Variants in MDGA2 observed in about 807,000 individuals in gnomAD.
MDGA2 encodes MAM domain-containing glycosylphosphatidylinositol anchor protein 2.
In MDGA2, 40 loss-of-function variants were observed where a neutral mutation model predicts 117.8. The ratio of observed to expected loss-of-function variants is 0.34; its 90% CI spans 0.26 to 0.44. The LOEUF is 0.44. Among genes scored for constraint, MDGA2 ranks in the 20% least tolerant of loss-of-function variants. MDGA2 has a pLI of 1.00. For missense variants in MDGA2, 1,123 were observed against 1,250.6 expected, an observed-to-expected ratio of 0.90 and a Z score of 1.54; for synonymous variants, 452 against 439.0, an observed-to-expected ratio of 1.03 and a Z score of -0.37.
intron 3 of MDGA2, among the ~76,000 whole-genome samples, chr14:47,216,977 C>T (rs12100502): frequency 0.073 from 11,164 of 151,962 alleles, 469 homozygotes; most frequent in Middle Eastern, 0.088. Flanking sequence ...GATTTCTCCC[C>T]CATCCTTTCC....
chr14:47,626,969 G>A (rs1897157143), intron 1 of MDGA2, among the ~76,000 whole-genome samples: 1 of 152,268 alleles, frequency 6.6e-6, no homozygotes, highest in Non-Finnish European at 1.5e-5. Context: ...CTGGGCTCCT[G>A]AGTTTGGTGG....
rs754468319 is a variant in MDGA2 at position 47,359,354 on chromosome 14, AAAAC to A, written c.281-57808_281-57805del. ...GGTGACATAGCGAGACTCTGTCTCA[AAAAC>A]AAACAAACAAGCAAACAAACAAACA... On this transcript the variant is annotated intron_variant, in intron 1 of 16. Coordinates refer to ENST00000399232, the MANE Select transcript of MDGA2 (RefSeq NM_001113498.3). 1.7e-4 allele frequency among the ~76,000 whole-genome samples: 26 copies of A among 152,238 alleles called. No homozygotes were observed. In the East Asian group the frequency reaches 1.7e-3, roughly 10 times the overall value.
intron 4 of MDGA2, among the ~76,000 whole-genome samples, chr14:47,133,912 T>A (rs1882329356): frequency 6.6e-6 from 1 of 152,006 alleles, no homozygotes. Context: ...AACTCATGAT[T>A]GTACTTAGTA....
At chr14:47,194,957 T>C (rs771503056) in intron 3 of MDGA2, among the ~76,000 whole-genome samples, 2 of 152,062 alleles carry the variant, frequency 1.3e-5, no homozygotes, top group Non-Finnish European at 2.9e-5. Context: ...AATGTATCAT[T>C]TTCTTACTTA....
At chr14:47,281,927 C>T (rs979331234) in intron 2 of MDGA2, among the ~76,000 whole-genome samples, 1 of 151,550 alleles carries the variant, frequency 6.6e-6, no homozygotes, top group Non-Finnish European at 1.5e-5. Context: ...TGTGGCGGCG[C>T]GCCTGTTGTC....
At chr14:47,049,236 T>G (rs1466955057) in intron 7 of MDGA2, among the ~76,000 whole-genome samples, 1 of 151,982 alleles carries the variant, frequency 6.6e-6, no homozygotes, top group African/African-American at 2.4e-5. Flanking sequence ...TTCACATACT[T>G]AAATTACCAG....
intron 1 of MDGA2, among the ~76,000 whole-genome samples, chr14:47,586,102 C>A (rs1469199631): frequency 6.6e-6 from 1 of 151,800 alleles, no homozygotes; most frequent in Non-Finnish European, 1.5e-5. Context: ...TTATTTTATT[C>A]TTCTCAATAA....
intron 2 of MDGA2, among the ~76,000 whole-genome samples, chr14:47,300,375 C>T (rs903660882): frequency 1.3e-5 from 2 of 152,128 alleles, no homozygotes; most frequent in Admixed American, 6.5e-5. Flanking sequence ...TTGAGTAAAA[C>T]ATCCTCAATA....
intron 1 of MDGA2, among the ~76,000 whole-genome samples, chr14:47,588,451 T>A (rs940636809): frequency 6.6e-6 from 1 of 151,870 alleles, no homozygotes; most frequent in African/African-American, 2.4e-5. Context: ...ACAGTCATCC[T>A]AGTGCATGAA....
chr14:47,242,559 C>G lies in MDGA2; in HGVS notation c.421-24364G>C, dbSNP rs1036971446. 2.0e-5 allele frequency among the ~76,000 whole-genome samples: 3 copies of G among 151,820 alleles called. No individual in the cohort carries two copies. In the South Asian group the frequency reaches 6.2e-4, roughly 32 times the overall value. On this transcript the variant is annotated intron_variant, in intron 2 of 16. Transcript: ENST00000399232. Reference sequence around the variant, plus strand: ...GGAGCAGCCAGCCAGTCCTGCTGGCCCCGGGCAATGGGGGACTTAGCACCC... The same window carrying G: ...GGAGCAGCCAGCCAGTCCTGCTGGCGCCGGGCAATGGGGGACTTAGCACCC...
intron 3 of MDGA2, among the ~76,000 whole-genome samples, chr14:47,210,062 A>G (rs1885826169): frequency 6.6e-6 from 1 of 152,184 alleles, no homozygotes; most frequent in African/African-American, 2.4e-5. Context: ...TGTCAATAAT[A>G]TTTTGCTGTT....
rs981910052 is a variant in MDGA2, at chr14:46,884,252, C to T, written c.2239-2031G>A. Among the ~76,000 whole-genome samples, 21 of 152,058 alleles carry T rather than the reference C, an allele frequency of 1.4e-4. 1 individual carries two copies. The highest frequency in any genetic ancestry group is 1.4e-3 in the Admixed American group (21 of 15,230). ...TGCTGTCTGCCTCAATGGTGCCAAA[C>T]TATTAAGAATCAAAGTTCAAGTTTG... is the stretch of plus-strand genomic sequence containing the variant. On this transcript the variant is annotated intron_variant, in intron 10 of 16. Coordinates refer to ENST00000399232, the MANE Select transcript of MDGA2 (RefSeq NM_001113498.3). This position sits in a 1 kb window ranked among gnomAD's most constrained non-coding sequence, Gnocchi z 4.1.
intron 10 of MDGA2, among the ~76,000 whole-genome samples, chr14:46,905,087 G>T (rs1445068580): frequency 6.6e-6 from 1 of 152,144 alleles, no homozygotes; most frequent in Non-Finnish European, 1.5e-5. Context: ...TGTTGCACAA[G>T]ACTCTGTACC....
At chr14:47,041,459 T>C (rs920682475) in intron 7 of MDGA2, among the ~76,000 whole-genome samples, 37 of 152,172 alleles carry the variant, frequency 2.4e-4, no homozygotes, top group Non-Finnish European at 5.4e-4. Flanking sequence ...AAAAAGTCAC[T>C]CCTAATAAAA....
chr14:47,557,839 T>C (rs1327588916), intron 1 of MDGA2, among the ~76,000 whole-genome samples: 1 of 152,230 alleles, frequency 6.6e-6, no homozygotes. Flanking sequence ...AACATTTGAT[T>C]TGGCCTCCCT....
intron 1 of MDGA2, among the ~76,000 whole-genome samples, chr14:47,420,605 T>C (rs1191229016): frequency 6.6e-6 from 1 of 152,108 alleles, no homozygotes; most frequent in Non-Finnish European, 1.5e-5. Context: ...TGGACACATG[T>C]GGCCAGATGG....
chr14:47,613,985 A>G (rs557500104), intron 1 of MDGA2, among the ~76,000 whole-genome samples: 1 of 152,036 alleles, frequency 6.6e-6, no homozygotes. Flanking sequence ...AGAAATTTAT[A>G]TAGATTATTT....
At chr14:47,651,010 T>C (rs548983537) in intron 1 of MDGA2, among the ~76,000 whole-genome samples, 2 of 152,300 alleles carry the variant, frequency 1.3e-5, no homozygotes, top group South Asian at 4.1e-4. Context: ...TATTTCAATG[T>C]TTAATATTAG....
At chr14:46,877,420 A>G in intron 12 of MDGA2, 69 bp downstream of exon 12, 1 of 880,972 alleles carries the variant, frequency 1.1e-6, no homozygotes, top group Non-Finnish European at 1.7e-6. Context: ...CAATTTTTGT[A>G]TATTTATAAA....
Sources: allele counts gnomAD v4.1 joint callset (sites outside exome capture counted in the v4.1 genomes callset), GRCh38; gene constraint gnomAD v4.1.1; non-coding constraint Gnocchi (gnomAD v3.1); transcripts MANE v1.5; gene names NCBI Gene and HGNC (gene_info 2026-07-23, HGNC 2026-07-21).